The following SLC25A11 variants were observed in gnomAD, a reference collection of about 807,000 sequenced individuals.
SLC25A11 encodes mitochondrial 2-oxoglutarate/malate carrier protein.
Under a neutral mutation model 32.7 loss-of-function variants are expected in SLC25A11, and 11 were observed. That is an observed-to-expected ratio of 0.34 (90% CI 0.21 to 0.56). The LOEUF is 0.56. SLC25A11 is among the 20% of genes least tolerant of loss of function. SLC25A11 has a pLI of 0.90. For synonymous variants in SLC25A11, 163 were observed against 168.3 expected (o/e 0.97, Z 0.24); for missense variants, 295 against 426.3 (o/e 0.69, Z 2.71).
At position 4,939,911 on chromosome 17, in the gene SLC25A11, C is replaced by A. The variant is rs139621798; in HGVS notation, c.-1G>T. On this transcript the variant is annotated 5_prime_UTR_variant, in exon 1 of 8. Transcript: ENST00000225665. The surrounding 1 kb of genome is among the most constrained non-coding windows in gnomAD (Gnocchi z 4.1). ...CCCCGGCACTCGCCGTCGCCGCCAT[C>A]GCCACTCAATGGCCCTCGGCTCCGG... 1.2e-6 allele frequency: 2 copies of A among 1,609,874 alleles called. No homozygotes were observed. Among genetic ancestry groups the A allele is most frequent in the African/African-American group, 2.7e-5 (2 of 74,642 alleles).
In SLC25A11 at chr17:4,938,564, AAC is replaced by A; in HGVS notation, c.492_493del (p.Phe165Ter). 1 of 1,614,114 alleles carries A rather than the reference AAC, an allele frequency of 6.2e-7. No individual in the cohort carries two copies. The highest frequency in any genetic ancestry group is 8.5e-7 in the Non-Finnish European group (1 of 1,179,996). On this transcript the variant is annotated frameshift_variant, in exon 4 of 8. Transcript: ENST00000225665. LOFTEE classifies it high-confidence loss of function. This position sits in a 1 kb window ranked among gnomAD's most constrained non-coding sequence, Gnocchi z 7.6. ...CCGGGTGATTCGAATCAGGGCGTTAAACACATTTTTGTAGCCACGGCGCTGGT... is the reference window on the plus strand; with the variant it reads ...CCGGGTGATTCGAATCAGGGCGTTAAACATTTTTGTAGCCACGGCGCTGGT...
Position 4,939,959 on chromosome 17 carries a change from C to T in SLC25A11, c.-49G>A. On this transcript the variant is annotated 5_prime_UTR_variant, in exon 1 of 8. Transcript: ENST00000225665. This position sits in a 1 kb window ranked among gnomAD's most constrained non-coding sequence, Gnocchi z 4.1. ...CGGGTCCCGTGCGCGCGCGGCCCCG[C>T]TCGCGCCCAAGGTGACACCGCGCGC... 1 of 1,489,532 alleles carries T rather than the reference C, an allele frequency of 6.7e-7. No individual in the cohort carries two copies. 92.3% of individuals were successfully genotyped at this position (1,489,532 alleles called of 1,614,324 possible).
At position 4,939,153 on chromosome 17, in the gene SLC25A11, C is replaced by G; in HGVS notation, c.155G>C (p.Ser52Thr). Reference protein sequence around the residue: ...LDLVKNRMQLSGEGAKTREYK... With the variant: ...LDLVKNRMQLTGEGAKTREYK... The stretch of plus-strand genomic sequence containing the variant: ...CTCTCGAGTCTTGGCCCCTTCCCCG[C>G]TCAACTGCATCCGGTTCTTCACCAG... The change falls in exon 2 of 8, where the codon AGC (serine) becomes ACC (threonine). Residue 52 changes from serine to threonine, a missense_variant. Physicochemically the swap from Ser to Thr is moderately conservative, Grantham distance 58. This residue lies in a region of SLC25A11 where 104 missense variants were observed against 121.5 expected (regional missense o/e 0.86). Transcript: ENST00000225665. This position sits in a 1 kb window ranked among gnomAD's most constrained non-coding sequence, Gnocchi z 4.1. 1 of 1,613,888 alleles carries G rather than the reference C, an allele frequency of 6.2e-7. No individual in the cohort carries two copies. Among genetic ancestry groups the G allele is most frequent in the Non-Finnish European group, 8.5e-7 (1 of 1,179,770 alleles).
Position 4,938,658 on chromosome 17 carries a change from G to A in SLC25A11, c.456-56C>T, listed in dbSNP as rs992177525. ...AGGATTGCCCACAGGTGCAAAGAAA[G>A]GAAGGCCAGAACAGGTAAACACTCT... On this transcript the variant is annotated intron_variant, in intron 3 of 7. Coordinates refer to ENST00000225665, the MANE Select transcript of SLC25A11 (RefSeq NM_003562.5). This position sits in a 1 kb window ranked among gnomAD's most constrained non-coding sequence, Gnocchi z 7.6. The A allele has an allele frequency of 1.3e-6, 2 of 1,597,108 alleles. No individual in the cohort carries two copies. Among genetic ancestry groups the A allele is most frequent in the Admixed American group, 3.3e-5 (2 of 59,974 alleles).
In SLC25A11 at chr17:4,939,347, G is replaced by A; in HGVS notation, c.96-135C>T. 3.0e-6 allele frequency: 3 copies of A among 993,662 alleles called. No individual in the cohort carries two copies. Among genetic ancestry groups the A allele is most frequent in the Non-Finnish European group, 4.3e-6 (3 of 691,656 alleles). 61.6% of individuals were successfully genotyped at this position (993,662 alleles called of 1,614,324 possible). Reference sequence around the variant, plus strand: ...AGAATCAGGATGCTGGTGAGCATGTGTATAAGAGTCTATATGTACACCAAG... The same window carrying A: ...AGAATCAGGATGCTGGTGAGCATGTATATAAGAGTCTATATGTACACCAAG... On this transcript the variant is annotated intron_variant, in intron 1 of 7. Coordinates refer to ENST00000225665, the MANE Select transcript of SLC25A11 (RefSeq NM_003562.5). The surrounding 1 kb of genome is among the most constrained non-coding windows in gnomAD (Gnocchi z 4.1).
In SLC25A11 at chr17:4,938,804, G is replaced by A. The variant is rs772940211; in HGVS notation, c.420C>T (p.Ala140=). The change falls in exon 3 of 8, where the codon GCC becomes GCT. Residue 140 remains alanine (A), a synonymous_variant. Transcript: ENST00000225665. The surrounding 1 kb of genome is among the most constrained non-coding windows in gnomAD (Gnocchi z 7.6). ...GATGAFVGTP[A]EVALIRMTAD... ...CAGTCATGCGGATAAGAGCCACTTC[G>A]GCTGGTGTTCCCACAAAGGCACCAG... The A allele has an allele frequency of 1.2e-5, 19 of 1,613,312 alleles. No homozygotes were observed. The South Asian group carries it at 1.2e-4, about 10-fold the overall frequency.
rs758813598 is a variant in SLC25A11, at chr17:4,938,460, A to G, written c.547-31T>C. 1 of 1,613,900 alleles carries G rather than the reference A, an allele frequency of 6.2e-7. No individual in the cohort carries two copies. The highest frequency in any genetic ancestry group is 1.1e-5 in the South Asian group (1 of 91,078). On this transcript the variant is annotated intron_variant, in intron 4 of 7. Coordinates refer to ENST00000225665, the MANE Select transcript of SLC25A11 (RefSeq NM_003562.5). This position sits in a 1 kb window ranked among gnomAD's most constrained non-coding sequence, Gnocchi z 7.6. ...GGGAGGGGAGCGGGGAAGAGTCAGA[A>G]ACCCCTAAAACCAGACCTCACAGCC...
chr17:4,938,015 T>G lies in SLC25A11; in HGVS notation c.789+8A>C, dbSNP rs1342943776. 14 of 1,614,036 alleles carry G rather than the reference T, an allele frequency of 8.7e-6. No homozygotes were observed. The highest frequency in any genetic ancestry group is 1.3e-5 in the African/African-American group (1 of 74,902). On this transcript the variant is annotated splice_region_variant and intron_variant, in intron 7 of 7. Transcript: ENST00000225665. This position sits in a 1 kb window ranked among gnomAD's most constrained non-coding sequence, Gnocchi z 7.6. Reference sequence around the variant, plus strand: ...CCCCCTCCCAGGCCCCCAGAATGGCTTCCTCACCAGCCCGTTCTTGTATTC... The same window carrying G: ...CCCCCTCCCAGGCCCCCAGAATGGCGTCCTCACCAGCCCGTTCTTGTATTC...
In SLC25A11 at chr17:4,939,805, C is replaced by T; in HGVS notation, c.95+11G>A. ...TCCTCCTCTTTTCCCATCCCTGGGGCCTGAGCTTACCCGGCCAGGCCCCCA... is the reference window on the plus strand; with the variant it reads ...TCCTCCTCTTTTCCCATCCCTGGGGTCTGAGCTTACCCGGCCAGGCCCCCA... On this transcript the variant is annotated intron_variant, in intron 1 of 7. Coordinates refer to ENST00000225665, the MANE Select transcript of SLC25A11 (RefSeq NM_003562.5). This position sits in a 1 kb window ranked among gnomAD's most constrained non-coding sequence, Gnocchi z 4.1. 1 of 1,607,608 alleles carries T rather than the reference C, an allele frequency of 6.2e-7. No homozygotes were observed.
intron 7 of SLC25A11, 29 bp downstream of exon 7, chr17:4,937,994 C>A (rs368456832): frequency 6.1e-5 from 98 of 1,613,696 alleles, no homozygotes; most frequent in Middle Eastern, 1.7e-4. Flanking sequence ...CCGACACCCC[C>A]TCCCAGGCCC....
rs775115050 is a variant in SLC25A11, at chr17:4,939,132, C to G, written c.176G>C (p.Arg59Pro). 1 of 1,614,188 alleles carries G rather than the reference C, an allele frequency of 6.2e-7. No individual in the cohort carries two copies. The highest frequency in any genetic ancestry group is 8.5e-7 in the Non-Finnish European group (1 of 1,180,032). The change falls in exon 2 of 8, where the codon CGA (arginine) becomes CCA (proline). Residue 59 changes from arginine (R) to proline (P), a missense_variant. By Grantham distance (103) the Arg-to-Pro change is moderately radical. Transcript: ENST00000225665. The surrounding 1 kb of genome is among the most constrained non-coding windows in gnomAD (Gnocchi z 4.1). ...MQLSGEGAKT[R>P]EYKTSFHALT... ...GGCATGGAAGCTGGTTTTGTACTCT[C>G]GAGTCTTGGCCCCTTCCCCGCTCAA...
chr17:4,937,748 C>A lies in SLC25A11; in HGVS notation c.938G>T (p.Ser313Ile). 6.2e-7 allele frequency: 1 copy of A among 1,608,680 alleles called. No homozygotes were observed. The highest frequency in any genetic ancestry group is 1.7e-4 in the Middle Eastern group (1 of 6,026). The change falls in exon 8 of 8, where the codon AGT (serine) becomes ATT (isoleucine). Residue 313 changes from serine (S) to isoleucine (I), a missense_variant. Coordinates refer to ENST00000225665, the MANE Select transcript of SLC25A11 (RefSeq NM_003562.5). ...MNKAYKRLFL[S>I]G is the part of the protein sequence containing the mutation. ...TGGGAGCCCCCGGCCGCTTCAGCCACTGAGGAAGAGACGCTTGTAGGCCTT... is the reference window on the plus strand; with the variant it reads ...TGGGAGCCCCCGGCCGCTTCAGCCAATGAGGAAGAGACGCTTGTAGGCCTT...
At position 4,937,599 on chromosome 17, in the gene SLC25A11, A is replaced by G; in HGVS notation, c.*142T>C. ...AGCAGGGCAAGCTGGAGCAGGGGGT[A>G]GAACAGACCAAGTCCTTTACCGCAG... On this transcript the variant is annotated 3_prime_UTR_variant, in exon 8 of 8. Coordinates refer to ENST00000225665, the MANE Select transcript of SLC25A11 (RefSeq NM_003562.5). 1 of 950,138 alleles carries G rather than the reference A, an allele frequency of 1.1e-6. No individual in the cohort carries two copies. The highest frequency in any genetic ancestry group is 1.5e-6 in the Non-Finnish European group (1 of 649,306). The allele number at this position is 950,138 out of a possible 1,614,324, so 58.9% of individuals were successfully genotyped here. A position where few individuals can be genotyped will look rare whatever the true frequency, so the allele number is the denominator to read the frequency against.
Position 4,939,404 on chromosome 17 carries a change from T to G in SLC25A11, c.96-192A>C, listed in dbSNP as rs915407999. On this transcript the variant is annotated intron_variant, in intron 1 of 7. Coordinates refer to ENST00000225665, the MANE Select transcript of SLC25A11 (RefSeq NM_003562.5). This position sits in a 1 kb window ranked among gnomAD's most constrained non-coding sequence, Gnocchi z 4.1. ...GGGTCTGAAAAGTCTAGTTGTCCAG[T>G]AGGGGCCATGCAATGAAAGTGCTCC... 9.4e-6 allele frequency: 6 copies of G among 641,256 alleles called. No individual in the cohort carries two copies. Among genetic ancestry groups the G allele is most frequent in the Non-Finnish European group, 1.6e-5 (6 of 377,034 alleles). 39.7% of individuals were successfully genotyped at this position (641,256 alleles called of 1,614,324 possible).
In SLC25A11 at chr17:4,937,726, G is replaced by A; in HGVS notation, c.*15C>T. The A allele has an allele frequency of 6.3e-7, 1 of 1,594,746 alleles. No homozygotes were observed. The highest frequency in any genetic ancestry group is 8.5e-7 in the Non-Finnish European group (1 of 1,170,324). On this transcript the variant is annotated 3_prime_UTR_variant, in exon 8 of 8. Coordinates refer to ENST00000225665, the MANE Select transcript of SLC25A11 (RefSeq NM_003562.5). The stretch of plus-strand genomic sequence containing the variant: ...GGCTATAGGCGCAGCAGGCGAGTGG[G>A]AGCCCCCGGCCGCTTCAGCCACTGA...
At position 4,937,618 on chromosome 17, in the gene SLC25A11, A is replaced by T; in HGVS notation, c.*123T>A. On this transcript the variant is annotated 3_prime_UTR_variant, in exon 8 of 8. Coordinates refer to ENST00000225665, the MANE Select transcript of SLC25A11 (RefSeq NM_003562.5). Reference sequence around the variant, plus strand: ...GGGGGTAGAACAGACCAAGTCCTTTACCGCAGAGGAAGAAACCACACTGTG... The same window carrying T: ...GGGGGTAGAACAGACCAAGTCCTTTTCCGCAGAGGAAGAAACCACACTGTG... The T allele has an allele frequency of 8.5e-7, 1 of 1,182,502 alleles. No homozygotes were observed. Among genetic ancestry groups the T allele is most frequent in the Non-Finnish European group, 1.2e-6 (1 of 850,814 alleles). The allele number at this position is 1,182,502 out of a possible 1,614,324, so 73.3% of individuals were successfully genotyped here. A position where few individuals can be genotyped will look rare whatever the true frequency, so the allele number is the denominator to read the frequency against.
chr17:4,937,264 G>C lies in SLC25A11; in HGVS notation c.*477C>G, dbSNP rs1970447047. On this transcript the variant is annotated 3_prime_UTR_variant, in exon 8 of 8. Transcript: ENST00000225665. ...TCCTATTCTCCAGCTTCTTTGTCCA[G>C]TCTCCTCCCCTCTCCTAGCCACCCC... is the stretch of plus-strand genomic sequence containing the variant. 2 of 153,372 alleles carry C rather than the reference G, an allele frequency of 1.3e-5. No individual in the cohort carries two copies. The highest frequency in any genetic ancestry group is 4.1e-4 in the South Asian group (2 of 4,842). The allele number at this position is 153,372 out of a possible 1,614,324, so 9.5% of individuals were successfully genotyped here.
At position 4,938,997 on chromosome 17, in the gene SLC25A11, A is replaced by G. The variant is rs1172850365; in HGVS notation, c.249-22T>C. 6.2e-7 allele frequency: 1 copy of G among 1,614,168 alleles called. No homozygotes were observed. On this transcript the variant is annotated intron_variant, in intron 2 of 7. Transcript: ENST00000225665. This position sits in a 1 kb window ranked among gnomAD's most constrained non-coding sequence, Gnocchi z 7.6. Reference sequence around the variant, plus strand: ...CAGCCTGAGGAGCAGAGGGGTCAGCATATCAGGCCAAGGTCTAGAGCTGCC... The same window carrying G: ...CAGCCTGAGGAGCAGAGGGGTCAGCGTATCAGGCCAAGGTCTAGAGCTGCC...
In SLC25A11 at chr17:4,939,212, C is replaced by T. The variant is rs777708251; in HGVS notation, c.96G>A (p.Gly32=). Residue 32 remains glycine (G), a splice_region_variant and synonymous_variant, in exon 2 of 8, where the codon GGG becomes GGA. Coordinates refer to ENST00000225665, the MANE Select transcript of SLC25A11 (RefSeq NM_003562.5). This position sits in a 1 kb window ranked among gnomAD's most constrained non-coding sequence, Gnocchi z 4.1. Reference sequence around the variant, plus strand: ...GCTGGACAAAAACTGTAGCTCCCATCCTGGGGGAAGACAGAGGTGGAGTGA... The same window carrying T: ...GCTGGACAAAAACTGTAGCTCCCATTCTGGGGGAAGACAGAGGTGGAGTGA... ...SVKFLFGGLA[G]MGATVFVQPL... 1.2e-6 allele frequency: 2 copies of T among 1,603,096 alleles called. No homozygotes were observed. The highest frequency in any genetic ancestry group is 1.3e-5 in the African/African-American group (1 of 74,698).
Sources: gnomAD v4.1 joint callset for allele counts on GRCh38, gnomAD v4.1.1 for gene constraint, gnomAD v4.1.1 regional missense constraint, Gnocchi (gnomAD v3.1) non-coding constraint, MANE v1.5 for transcripts, NCBI Gene and HGNC (gene_info 2026-07-23, HGNC 2026-07-21) for gene names.